Variants in LYPD6 observed in about 807,000 individuals in gnomAD.
The protein encoded by LYPD6 is LY6/PLAUR domain containing 6.
LYPD6 carries 15 observed loss-of-function variants against 22.7 expected under a neutral mutation model. That is an observed-to-expected ratio of 0.66 (90% CI 0.44 to 1.02). The LOEUF (loss-of-function observed/expected upper bound fraction) is 1.02, where lower values mean the gene tolerates loss of function less well. Among genes scored for constraint, LYPD6 ranks in the 50% least tolerant of loss-of-function variants. The pLI is 0.00. For synonymous variants in LYPD6, 72 were observed against 77.5 expected (o/e 0.93, Z 0.37); for missense variants, 189 against 208.4 (o/e 0.91, Z 0.57).
chr2:149,364,384 G>C (rs1157187926), intron 1 of LYPD6, among the ~76,000 whole-genome samples: 2 of 152,112 alleles, frequency 1.3e-5, no homozygotes, highest in Non-Finnish European at 2.9e-5. Flanking sequence ...GGCCTGACCT[G>C]ACCAGACCTG....
At chr2:149,427,829 T>G (rs1683218536) in intron 1 of LYPD6, among the ~76,000 whole-genome samples, 1 of 152,220 alleles carries the variant, frequency 6.6e-6, no homozygotes, top group Non-Finnish European at 1.5e-5. Flanking sequence ...TCCTCGTTGT[T>G]AAATGATGTA....
At chr2:149,441,682 C>T (rs1223541736) in intron 2 of LYPD6, among the ~76,000 whole-genome samples, 1 of 152,086 alleles carries the variant, frequency 6.6e-6, no homozygotes, top group East Asian at 1.9e-4. Flanking sequence ...AATTTCTTCC[C>T]AGCCTATGAT....
chr2:149,446,271 C>T (rs1236057009), intron 2 of LYPD6, among the ~76,000 whole-genome samples: 2 of 152,160 alleles, frequency 1.3e-5, no homozygotes, highest in East Asian at 1.9e-4. Context: ...AAAAGTTTGA[C>T]ATATTGCAAG....
At chr2:149,484,798 T>C in the LYPD6 span, among the ~76,000 whole-genome samples, 1 of 152,048 alleles carries the variant, frequency 6.6e-6, no homozygotes, top group African/African-American at 2.4e-5. Flanking sequence ...ATGAGTAATT[T>C]AGGTTAAAAA....
chr2:149,413,270 G>C lies in LYPD6; in HGVS notation c.-71-24368G>C, dbSNP rs76434143. Among the ~76,000 whole-genome samples, 934 of 152,218 alleles carry C rather than the reference G, an allele frequency of 6.1e-3. 10 individuals are homozygous for C. The highest frequency in any genetic ancestry group is 0.022 in the African/African-American group (893 of 41,516). On this transcript the variant is annotated intron_variant, in intron 1 of 4. Transcript: ENST00000334166. ...TTCCTTGCCCAGGAGAGACTAAGAT[G>C]GGGGAAAGAGGAGGTTGAGTTTGTG...
the LYPD6 span, among the ~76,000 whole-genome samples, chr2:149,480,602 C>G: frequency 5.7e-4 from 87 of 152,230 alleles, no homozygotes; most frequent in African/African-American, 2.0e-3. Flanking sequence ...AATATCAGTG[C>G]CTGGCTCTCC....
At chr2:149,430,047 A>G (rs969116568) in intron 1 of LYPD6, among the ~76,000 whole-genome samples, 2 of 152,166 alleles carry the variant, frequency 1.3e-5, no homozygotes, top group African/African-American at 4.8e-5. Flanking sequence ...CAAAATGACA[A>G]GATGTAGACC....
At chr2:149,465,948 A>G (rs1681191110) in intron 3 of LYPD6, among the ~76,000 whole-genome samples, 1 of 152,182 alleles carries the variant, frequency 6.6e-6, no homozygotes, top group African/African-American at 2.4e-5. Context: ...TGGAAATTCA[A>G]ATTCATCTTT....
At chr2:149,413,242 C>T (rs1355378381) in intron 1 of LYPD6, among the ~76,000 whole-genome samples, 1 of 152,190 alleles carries the variant, frequency 6.6e-6, no homozygotes, top group East Asian at 1.9e-4. Context: ...GGCCAGGCAG[C>T]TGTTCCTTGC....
chr2:149,477,865 T>C (rs776086800), downstream of LYPD6, among the ~76,000 whole-genome samples: 1 of 152,156 alleles, frequency 6.6e-6, no homozygotes, highest in Non-Finnish European at 1.5e-5. Context: ...CCTGCTCAGA[T>C]AGGCATCAAA....
At chr2:149,468,800 A>G in intron 4 of LYPD6, 25 bp downstream of exon 4, 1 of 1,611,038 alleles carries the variant, frequency 6.2e-7, no homozygotes, top group South Asian at 1.1e-5. Context: ...GCAAGTGACC[A>G]GTACTACATA....
the LYPD6 span, among the ~76,000 whole-genome samples, chr2:149,479,476 G>A: frequency 6.6e-6 from 1 of 152,038 alleles, no homozygotes; most frequent in African/African-American, 2.4e-5. Flanking sequence ...TCAAACTCAA[G>A]CACCTCCGTT....
chr2:149,378,407 T>C lies in LYPD6; in HGVS notation c.-72+47685T>C, dbSNP rs376091360. ...TGCTAGGATTACAGGCATGAGACAT[T>C]GGGCTTGGCCCGATTAAACTTTTTA... On this transcript the variant is annotated intron_variant, in intron 1 of 4. Coordinates refer to ENST00000334166, the MANE Select transcript of LYPD6 (RefSeq NM_194317.5). Among the ~76,000 whole-genome samples the C allele has an allele frequency of 5.9e-3, 906 of 152,360 alleles. 5 individuals are homozygous for C. The highest frequency in any genetic ancestry group is 0.021 in the African/African-American group (869 of 41,584).
chr2:149,485,716 G>C, the LYPD6 span, among the ~76,000 whole-genome samples: 1 of 152,112 alleles, frequency 6.6e-6, no homozygotes, highest in African/African-American at 2.4e-5. Context: ...CATATTTATA[G>C]GTTTTATCTT....
intron 2 of LYPD6, among the ~76,000 whole-genome samples, chr2:149,440,595 C>T (rs896276637): frequency 1.3e-5 from 2 of 151,972 alleles, no homozygotes; most frequent in Admixed American, 6.6e-5. Flanking sequence ...TAGAGTCTCC[C>T]TCCATAACTT....
intron 1 of LYPD6, among the ~76,000 whole-genome samples, chr2:149,377,386 C>CT (rs1179339049): frequency 5.9e-5 from 9 of 152,066 alleles, no homozygotes; most frequent in African/African-American, 2.2e-4. Context: ...CTTTATCAGA[C>CT]TTAAAGGGAT....
chr2:149,410,266 C>T (rs1016122797), intron 1 of LYPD6, among the ~76,000 whole-genome samples: 3 of 152,034 alleles, frequency 2.0e-5, no homozygotes, highest in Non-Finnish European at 2.9e-5. Flanking sequence ...GTAAGTGCAT[C>T]TGTTGGATAC....
the LYPD6 span, among the ~76,000 whole-genome samples, chr2:149,482,159 T>C: frequency 2.0e-5 from 3 of 152,188 alleles, no homozygotes; most frequent in Non-Finnish European, 2.9e-5. Context: ...TCCAAACTTA[T>C]AGAAAAATTT....
At chr2:149,379,905 A>G (rs776376919) in intron 1 of LYPD6, among the ~76,000 whole-genome samples, 2 of 152,258 alleles carry the variant, frequency 1.3e-5, no homozygotes, top group Non-Finnish European at 2.9e-5. Context: ...AAGATAAATC[A>G]GTAAACAACA....
Sources: allele counts gnomAD v4.1 joint callset (sites outside exome capture counted in the v4.1 genomes callset), GRCh38; gene constraint gnomAD v4.1.1; transcripts MANE v1.5; gene names NCBI Gene and HGNC (gene_info 2026-07-23, HGNC 2026-07-21).